The following DGKI variants were observed in gnomAD, a reference collection of about 807,000 sequenced individuals.
DGKI encodes diacylglycerol kinase iota.
In DGKI, 55 loss-of-function variants were observed where a neutral mutation model predicts 147.5. That is an observed-to-expected ratio of 0.37 (90% confidence interval 0.30 to 0.47). The LOEUF is 0.47. Ranked by LOEUF, DGKI falls within the 20% of genes least tolerant of loss-of-function variation. The pLI, the probability that DGKI is intolerant of heterozygous loss-of-function variation, is 1.00. For synonymous variants in DGKI, 469 were observed against 477.1 expected (o/e 0.98, Z 0.22); for missense variants, 1,007 against 1,323.8 (o/e 0.76, Z 3.71).
At chr7:137,599,316 T>A (rs1480795027) in intron 11 of DGKI, among the ~76,000 whole-genome samples, 2 of 152,150 alleles carry the variant, frequency 1.3e-5, no homozygotes, top group African/African-American at 4.8e-5. Context: ...GAGCAGGAAT[T>A]AATATGTCTT....
chr7:137,825,098 T>C (rs1798017339), intron 1 of DGKI, among the ~76,000 whole-genome samples: 1 of 152,378 alleles, frequency 6.6e-6, no homozygotes, highest in South Asian at 2.1e-4. Flanking sequence ...CTGGATTGCA[T>C]GGTATTTCTT....
intron 1 of DGKI, among the ~76,000 whole-genome samples, chr7:137,832,134 T>C (rs1642541817): frequency 6.6e-6 from 1 of 152,216 alleles, no homozygotes; most frequent in Admixed American, 6.5e-5. Flanking sequence ...ATTGAGTGTC[T>C]GTGGATTTTC....
chr7:137,723,999 C>T lies in DGKI; in HGVS notation c.402-33997G>A, dbSNP rs1477568293. Reference sequence around the variant, plus strand: ...CTGGGATTATAGGGGTGAGCCACTGCACCTGGCCCATGATTTCCTTTTGAT... The same window carrying T: ...CTGGGATTATAGGGGTGAGCCACTGTACCTGGCCCATGATTTCCTTTTGAT... On this transcript the variant is annotated intron_variant, in intron 1 of 32. Coordinates refer to ENST00000614521, the MANE Select transcript of DGKI (RefSeq NM_001321708.2). 3.9e-5 allele frequency among the ~76,000 whole-genome samples: 6 copies of T among 152,170 alleles called. No individual in the cohort carries two copies. In the East Asian group the frequency reaches 1.2e-3, roughly 29 times the overall value.
intron 6 of DGKI, among the ~76,000 whole-genome samples, chr7:137,628,823 C>T (rs1326970255): frequency 1.3e-5 from 2 of 152,124 alleles, no homozygotes; most frequent in Non-Finnish European, 2.9e-5. Context: ...TTGTTGCCTT[C>T]TGACTTCTTC....
chr7:137,461,288 A>G (rs1327163062), intron 27 of DGKI, among the ~76,000 whole-genome samples: 1 of 152,204 alleles, frequency 6.6e-6, no homozygotes. Context: ...ACCCTCTAGG[A>G]GCCTCAGTTT....
chr7:137,819,592 G>A (rs1159433249), intron 1 of DGKI, among the ~76,000 whole-genome samples: 1 of 152,092 alleles, frequency 6.6e-6, no homozygotes, highest in Non-Finnish European at 1.5e-5. Context: ...TTACAGGCGT[G>A]AGCCACCGCG....
At chr7:137,736,046 T>C (rs761738803) in intron 1 of DGKI, among the ~76,000 whole-genome samples, 1 of 152,064 alleles carries the variant, frequency 6.6e-6, no homozygotes, top group East Asian at 1.9e-4. Context: ...AGATCACACA[T>C]GTTGTGTAGA....
chr7:137,766,619 A>T (rs1470291232), intron 1 of DGKI, among the ~76,000 whole-genome samples: 1 of 152,160 alleles, frequency 6.6e-6, no homozygotes, highest in East Asian at 1.9e-4. Context: ...GGGCAAAGAG[A>T]ATCTTCCTTA....
Position 137,480,615 on chromosome 7 carries a change from A to G in DGKI, c.2373+4759T>C, listed in dbSNP as rs149420124. 8.5e-5 allele frequency among the ~76,000 whole-genome samples: 13 copies of G among 152,192 alleles called. No homozygotes were observed. The South Asian group carries it at 1.2e-3, about 15-fold the overall frequency. On this transcript the variant is annotated intron_variant, in intron 23 of 32. Coordinates refer to ENST00000614521, the MANE Select transcript of DGKI (RefSeq NM_001321708.2). Reference sequence around the variant, plus strand: ...GAGGTTGTTTTTTTTTTTCTTATGAAAGTGAAAGACATCTGTACCACCCTG... The same window carrying G: ...GAGGTTGTTTTTTTTTTTCTTATGAGAGTGAAAGACATCTGTACCACCCTG...
intron 3 of DGKI, among the ~76,000 whole-genome samples, chr7:137,658,738 G>A (rs1384278448): frequency 1.3e-5 from 2 of 152,190 alleles, no homozygotes; most frequent in African/African-American, 4.8e-5. Context: ...CTCCTCCTTT[G>A]TTTTACAAAT....
chr7:137,558,918 T>C (rs1818316801), intron 19 of DGKI, among the ~76,000 whole-genome samples: 1 of 119,426 alleles, frequency 8.4e-6, no homozygotes, highest in Non-Finnish European at 1.7e-5. Context: ...GTAGTGGTGG[T>C]ATTAATTATT....
At chr7:137,722,915 T>C (rs959365474) in intron 1 of DGKI, 53 of 677,934 alleles carry the variant, frequency 7.8e-5, no homozygotes, top group Non-Finnish European at 4.2e-5. Context: ...TATAGCATAG[T>C]GAGTGGTGAA....
intron 3 of DGKI, among the ~76,000 whole-genome samples, chr7:137,657,651 C>T (rs561993884): frequency 6.6e-6 from 1 of 152,302 alleles, no homozygotes; most frequent in Admixed American, 6.5e-5. Context: ...GCTATCAAAG[C>T]ATCCAAGTGT....
At chr7:137,391,966 A>G (rs10954580) in intron 32 of DGKI, among the ~76,000 whole-genome samples, 44,197 of 152,010 alleles carry the variant, frequency 0.29, 7,178 homozygotes, top group Admixed American at 0.36. Context: ...CAAAGAAGAA[A>G]AGGAATATCC....
intron 7 of DGKI, among the ~76,000 whole-genome samples, chr7:137,623,193 C>G (rs935029135): frequency 6.6e-6 from 1 of 152,168 alleles, no homozygotes; most frequent in Non-Finnish European, 1.5e-5. Context: ...GTGAGAAGTC[C>G]TCAACTCTAG....
At chr7:137,620,388 C>T (rs897666501) in intron 7 of DGKI, among the ~76,000 whole-genome samples, 2 of 152,094 alleles carry the variant, frequency 1.3e-5, no homozygotes, top group African/African-American at 2.4e-5. Flanking sequence ...TCTAAGATAA[C>T]GTTAAGAAGG....
intron 23 of DGKI, among the ~76,000 whole-genome samples, chr7:137,472,776 C>T (rs1368007476): frequency 1.3e-5 from 2 of 151,766 alleles, no homozygotes; most frequent in African/African-American, 4.8e-5. Context: ...ACTATGAAAG[C>T]TAATAAATAA....
intron 1 of DGKI, among the ~76,000 whole-genome samples, chr7:137,719,362 C>T (rs1418798892): frequency 1.3e-5 from 2 of 151,870 alleles, no homozygotes; most frequent in Admixed American, 6.6e-5. Flanking sequence ...TTAGCCTTGC[C>T]GCATTTGGTC....
intron 1 of DGKI, among the ~76,000 whole-genome samples, chr7:137,787,205 T>A (rs1287633345): frequency 6.6e-6 from 1 of 151,838 alleles, no homozygotes; most frequent in African/African-American, 2.4e-5. Flanking sequence ...TGGTAAAAAA[T>A]ATTCACAATC....
Sources: gnomAD v4.1 joint callset for allele counts (sites outside exome capture counted in the v4.1 genomes callset) on GRCh38, gnomAD v4.1.1 for gene constraint, MANE v1.5 for transcripts, NCBI Gene and HGNC (gene_info 2026-07-23, HGNC 2026-07-21) for gene names.